Variants in GRIK2 observed in about 807,000 individuals in gnomAD.
GRIK2 encodes glutamate ionotropic receptor kainate type subunit 2, also known as glutamate receptor ionotropic, kainate 2.
GRIK2 carries 32 observed loss-of-function variants against 100.3 expected under a neutral mutation model. That is an observed-to-expected ratio of 0.32 (90% CI 0.24 to 0.43). The LOEUF (loss-of-function observed/expected upper bound fraction) is 0.43. Ranked by LOEUF, GRIK2 falls within the 20% of genes least tolerant of loss-of-function variation. The probability of loss-of-function intolerance (pLI) is 1.00; values close to 1 mark genes in which losing one functional copy is unlikely to be tolerated. For missense variants in GRIK2, 843 were observed against 1,114.9 expected (o/e 0.76, Z 3.47); for synonymous variants, 417 against 389.4 (o/e 1.07, Z -0.83).
rs142281349 is a variant in GRIK2 at position 101,770,969 on chromosome 6, A to C, written c.952-28679A>C. Among the ~76,000 whole-genome samples, 738 of 152,292 alleles carry C rather than the reference A, an allele frequency of 4.8e-3. 7 individuals carry two copies. The highest frequency in any genetic ancestry group is 0.017 in the African/African-American group (705 of 41,558). On this transcript the variant is annotated intron_variant, in intron 7 of 16. Transcript: ENST00000369134. ...AATGTCTTAAAAATCAGAAGATAAT[A>C]TATTCAGTAAATTTATTTTATGTAC...
At chr6:101,833,224 G>T (rs543236070) in intron 10 of GRIK2, among the ~76,000 whole-genome samples, 1 of 151,912 alleles carries the variant, frequency 6.6e-6, no homozygotes, top group African/African-American at 2.4e-5. Flanking sequence ...TTTCGTTGTT[G>T]TTGTTTGTTT....
intron 2 of GRIK2, among the ~76,000 whole-genome samples, chr6:101,428,272 T>C (rs898980104): frequency 7.2e-5 from 11 of 152,234 alleles, no homozygotes; most frequent in African/African-American, 2.7e-4. Flanking sequence ...TGAAAATTCT[T>C]TAATACAGCT....
chr6:101,847,833 C>G (rs1441367200), intron 10 of GRIK2, among the ~76,000 whole-genome samples: 1 of 152,044 alleles, frequency 6.6e-6, no homozygotes, highest in Non-Finnish European at 1.5e-5. Flanking sequence ...TTAGTGCCCC[C>G]AAGTATTTCC....
At chr6:102,061,438 C>T (rs1242635218) in intron 16 of GRIK2, among the ~76,000 whole-genome samples, 1 of 150,352 alleles carries the variant, frequency 6.7e-6, no homozygotes, top group Non-Finnish European at 1.5e-5. Flanking sequence ...CCATATCAAG[C>T]TGTACAGAAT....
At chr6:102,022,856 A>G (rs1042710931) in intron 14 of GRIK2, among the ~76,000 whole-genome samples, 2 of 151,570 alleles carry the variant, frequency 1.3e-5, no homozygotes, top group Non-Finnish European at 3.0e-5. Flanking sequence ...TTTAATCTTT[A>G]GCATAATAGA....
intron 12 of GRIK2, among the ~76,000 whole-genome samples, chr6:101,895,804 A>C (rs959168009): frequency 6.6e-6 from 1 of 151,788 alleles, no homozygotes; most frequent in African/African-American, 2.4e-5. Flanking sequence ...TAAATTGCAG[A>C]AAAGCCTATT....
At chr6:101,459,611 A>AT (rs1771189910) in intron 2 of GRIK2, among the ~76,000 whole-genome samples, 1 of 152,134 alleles carries the variant, frequency 6.6e-6, no homozygotes, top group Admixed American at 6.6e-5. Flanking sequence ...AAGAAAAAAA[A>AT]CCCTCAACTT....
intron 2 of GRIK2, among the ~76,000 whole-genome samples, chr6:101,521,072 T>G (rs555558817): frequency 2.5e-3 from 383 of 152,238 alleles, no homozygotes; most frequent in African/African-American, 8.7e-3. Flanking sequence ...TACCTAATTA[T>G]GTATATGAGT....
rs533512007 is a variant in GRIK2, at chr6:102,050,450, G to C, written c.2312-4880G>C. 2.6e-5 allele frequency among the ~76,000 whole-genome samples: 4 copies of C among 152,000 alleles called. No homozygotes were observed. In the South Asian group the frequency reaches 8.3e-4, roughly 32 times the overall value. On this transcript the variant is annotated intron_variant, in intron 15 of 16. Transcript: ENST00000369134. ...GGGTGGATCACGAGGTCAAGAGATT[G>C]AGACCATCCTGGCCAACGTGATGAA...
At position 101,592,615 on chromosome 6, in the gene GRIK2, A is replaced by ATATATATATG. The variant is rs887154272; in HGVS notation, c.116-29325_116-29324insGTATATATAT. Reference sequence around the variant, plus strand: ...TATATATATATATATATATATATATATATATATATTGCTTTTTCACAGACA... The same window carrying ATATATATATG: ...TATATATATATATATATATATATATATATATATATGTATATATATTGCTTTTTCACAGACA... On this transcript the variant is annotated intron_variant, in intron 2 of 16. Transcript: ENST00000369134. Among the ~76,000 whole-genome samples the ATATATATATG allele has an allele frequency of 2.6e-3, 338 of 127,766 alleles. 5 individuals are homozygous for ATATATATATG. Among genetic ancestry groups the ATATATATATG allele is most frequent in the African/African-American group, 0.011 (329 of 30,250 alleles). 83.8% of individuals were successfully genotyped at this position (127,766 alleles called of 152,430 possible). A position where few individuals can be genotyped will look rare whatever the true frequency, so the allele number is the denominator to read the frequency against.
At chr6:101,801,902 T>C (rs1475509315) in intron 8 of GRIK2, among the ~76,000 whole-genome samples, 1 of 151,906 alleles carries the variant, frequency 6.6e-6, no homozygotes, top group Non-Finnish European at 1.5e-5. Context: ...ATTCAGTTTC[T>C]CTTATTGTAA....
At chr6:101,890,905 ACT>A (rs752189528) in intron 12 of GRIK2, among the ~76,000 whole-genome samples, 25 of 150,858 alleles carry the variant, frequency 1.7e-4, no homozygotes, top group African/African-American at 3.9e-4. Flanking sequence ...CAAAAAGATA[ACT>A]CTGAATTAAA....
At chr6:102,042,495 G>A (rs1364208733) in intron 15 of GRIK2, among the ~76,000 whole-genome samples, 1 of 151,658 alleles carries the variant, frequency 6.6e-6, no homozygotes, top group Non-Finnish European at 1.5e-5. Flanking sequence ...CTGGAGCTTA[G>A]TGAGACCAAA....
chr6:101,476,243 CTATG>C (rs1772221695), intron 2 of GRIK2, among the ~76,000 whole-genome samples: 1 of 152,060 alleles, frequency 6.6e-6, no homozygotes, highest in African/African-American at 2.4e-5. Flanking sequence ...AAGCAGTTAT[CTATG>C]TGGCTGTATT....
intron 7 of GRIK2, among the ~76,000 whole-genome samples, chr6:101,774,520 C>A (rs1778616901): frequency 6.6e-6 from 1 of 152,086 alleles, no homozygotes; most frequent in African/African-American, 2.4e-5. Context: ...CTCATCAATA[C>A]AATGTGGTTC....
Position 101,393,824 on chromosome 6 carries a change from A to T in GRIK2, c.-307A>T, listed in dbSNP as rs1483237028. 7.2e-6 allele frequency among the ~76,000 whole-genome samples: 1 copy of T among 138,682 alleles called. No individual in the cohort carries two copies. The highest frequency in any genetic ancestry group is 1.6e-5 in the Non-Finnish European group (1 of 63,484). The allele number at this position is 138,682 out of a possible 152,430, so 91.0% of individuals were successfully genotyped here. A position where few individuals can be genotyped will look rare whatever the true frequency, so the allele number is the denominator to read the frequency against. ...ACCCCACCCCCTCCCCGCCCACCTC[A>T]CCCCTAGCTCCAGGTAAGGACTCCC... On this transcript the variant is annotated 5_prime_UTR_variant, in exon 1 of 17. Coordinates refer to ENST00000369134, the MANE Select transcript of GRIK2 (RefSeq NM_021956.5).
intron 14 of GRIK2, among the ~76,000 whole-genome samples, chr6:101,994,732 T>A (rs975188461): frequency 6.6e-6 from 1 of 151,880 alleles, no homozygotes; most frequent in African/African-American, 2.4e-5. Flanking sequence ...GATGAACATA[T>A]GCCCCATTTT....
intron 2 of GRIK2, among the ~76,000 whole-genome samples, chr6:101,512,264 A>G (rs1020038434): frequency 6.6e-6 from 1 of 152,022 alleles, no homozygotes; most frequent in Non-Finnish European, 1.5e-5. Context: ...GTATATGTAT[A>G]TACAGTATGG....
At chr6:102,010,678 G>C (rs185711487) in intron 14 of GRIK2, among the ~76,000 whole-genome samples, 8 of 151,244 alleles carry the variant, frequency 5.3e-5, no homozygotes, top group East Asian at 3.9e-4. Flanking sequence ...ACACTGCACC[G>C]GGCCCCCTCC....
Sources: allele counts gnomAD v4.1 joint callset (sites outside exome capture counted in the v4.1 genomes callset), GRCh38; gene constraint gnomAD v4.1.1; transcripts MANE v1.5; gene names NCBI Gene and HGNC (gene_info 2026-07-23, HGNC 2026-07-21).